Variants in CDK6 observed in about 807,000 individuals in gnomAD.
CDK6 encodes the protein cyclin-dependent kinase 6.
A neutral mutation model predicts 37.1 loss-of-function variants in CDK6; 6 were observed. That is an observed-to-expected ratio of 0.16 (90% CI 0.09 to 0.32). The LOEUF (loss-of-function observed/expected upper bound fraction) is 0.32, where lower values mean the gene tolerates loss of function less well. Among genes scored for constraint, CDK6 ranks in the 10% least tolerant of loss-of-function variants. The pLI, the probability that CDK6 is intolerant of heterozygous loss-of-function variation, is 1.00. For synonymous variants in CDK6, 160 were observed against 161.3 expected (o/e 0.99, Z 0.06); for missense variants, 224 against 418.9 (o/e 0.53, Z 4.06).
chr7:92,620,705 C>G (rs1455762294), intron 6 of CDK6, among the ~76,000 whole-genome samples: 9 of 152,014 alleles, frequency 5.9e-5, no homozygotes, highest in Non-Finnish European at 1.0e-4. Flanking sequence ...CCCAGGAGTT[C>G]AAGACCAGCC....
At chr7:92,744,832 G>C (rs1385680708) in intron 3 of CDK6, among the ~76,000 whole-genome samples, 2 of 152,062 alleles carry the variant, frequency 1.3e-5, no homozygotes, top group African/African-American at 4.8e-5. Flanking sequence ...TGGAAAGTTT[G>C]TAAGTAAGAC....
intron 4 of CDK6, among the ~76,000 whole-genome samples, chr7:92,704,961 C>G (rs553976339): frequency 3.3e-5 from 5 of 152,258 alleles, no homozygotes; most frequent in Non-Finnish European, 7.4e-5. Context: ...AACAGAGGAT[C>G]AGTTTTAGGT....
chr7:92,632,695 A>G (rs568046977), intron 5 of CDK6, among the ~76,000 whole-genome samples: 2 of 152,280 alleles, frequency 1.3e-5, no homozygotes, highest in South Asian at 4.1e-4. Context: ...TGTTAAAAAT[A>G]ACAAATTATT....
chr7:92,772,740 C>T (rs556048063), intron 3 of CDK6, among the ~76,000 whole-genome samples: 64 of 152,130 alleles, frequency 4.2e-4, no homozygotes, highest in Admixed American at 2.3e-3. Context: ...AGATTCCCCC[C>T]ATTCCAATTC....
intron 3 of CDK6, among the ~76,000 whole-genome samples, chr7:92,752,038 G>A (rs1214932450): frequency 1.3e-5 from 2 of 152,148 alleles, no homozygotes; most frequent in Non-Finnish European, 2.9e-5. Context: ...ACAGTCTAAT[G>A]GGTTGTGCAA....
chr7:92,778,924 C>CATATATATATATAT (rs145888983), intron 2 of CDK6, among the ~76,000 whole-genome samples: 1 of 109,022 alleles, frequency 9.2e-6, no homozygotes, highest in Non-Finnish European at 1.8e-5. Flanking sequence ...TATAGTTTAT[C>CATATATATATATAT]ATATATATAT....
chr7:92,672,127 A>C (rs1419158323), intron 4 of CDK6, among the ~76,000 whole-genome samples: 4 of 129,432 alleles, frequency 3.1e-5, no homozygotes, highest in Non-Finnish European at 6.4e-5. Context: ...GTACCCCAAA[A>C]GCTGTACATA....
chr7:92,711,671 G>A (rs1341193117), intron 4 of CDK6, among the ~76,000 whole-genome samples: 2 of 145,234 alleles, frequency 1.4e-5, no homozygotes, highest in African/African-American at 2.5e-5. Flanking sequence ...GGGCTCAAGC[G>A]ATCTTCCCAC....
intron 2 of CDK6, among the ~76,000 whole-genome samples, chr7:92,799,727 T>A (rs1342672164): frequency 6.6e-6 from 1 of 152,184 alleles, no homozygotes; most frequent in African/African-American, 2.4e-5. Context: ...TTTCTCCTTA[T>A]TGTGGGACAA....
chr7:92,685,370 G>C (rs1797426406), intron 4 of CDK6, among the ~76,000 whole-genome samples: 1 of 152,178 alleles, frequency 6.6e-6, no homozygotes, highest in Non-Finnish European at 1.5e-5. Flanking sequence ...CGTGTTGGGG[G>C]CAGTGTGGTT....
At chr7:92,720,627 T>C (rs1030848820) in intron 4 of CDK6, among the ~76,000 whole-genome samples, 2 of 152,206 alleles carry the variant, frequency 1.3e-5, no homozygotes, top group Non-Finnish European at 2.9e-5. Flanking sequence ...CAGTGCTTCA[T>C]GACTGTCAGA....
At chr7:92,694,468 G>C (rs1797664635) in intron 4 of CDK6, among the ~76,000 whole-genome samples, 1 of 152,148 alleles carries the variant, frequency 6.6e-6, no homozygotes, top group African/African-American at 2.4e-5. Flanking sequence ...CTTTAACCAA[G>C]AGGAAAACTG....
intron 7 of CDK6, among the ~76,000 whole-genome samples, chr7:92,615,562 T>C (rs1443970360): frequency 6.6e-6 from 1 of 152,196 alleles, no homozygotes; most frequent in Non-Finnish European, 1.5e-5. Flanking sequence ...TAACTTTATT[T>C]AGTAATTCTT....
intron 5 of CDK6, 182 bp downstream of exon 5, chr7:92,671,244 T>G: frequency 2.5e-6 from 1 of 400,234 alleles, no homozygotes; most frequent in Non-Finnish European, 4.4e-6. Context: ...TACAGTCATA[T>G]AAAACAACAC....
In CDK6 at chr7:92,777,605, A is replaced by T. The variant is rs113414033; in HGVS notation, c.234-2774T>A. Reference sequence around the variant, plus strand: ...CATTGGTCTATATATTTGTTTTGGTACCAGTACCATGCTGTTTTGGTTACT... The same window carrying T: ...CATTGGTCTATATATTTGTTTTGGTTCCAGTACCATGCTGTTTTGGTTACT... On this transcript the variant is annotated intron_variant, in intron 2 of 7. Transcript: ENST00000424848. 4.1e-3 allele frequency among the ~76,000 whole-genome samples: 625 copies of T among 152,260 alleles called. 3 individuals are homozygous for T. Among genetic ancestry groups the T allele is most frequent in the African/African-American group, 0.015 (603 of 41,554 alleles).
intron 3 of CDK6, among the ~76,000 whole-genome samples, chr7:92,751,185 C>G (rs1367572352): frequency 1.3e-5 from 2 of 152,114 alleles, no homozygotes; most frequent in Non-Finnish European, 2.9e-5. Flanking sequence ...CTAGTGGTCT[C>G]TCATAATCTT....
chr7:92,672,184 G>GACACACACACACACACACACAGACAC (rs1175195840), intron 4 of CDK6, among the ~76,000 whole-genome samples: 2 of 44,138 alleles, frequency 4.5e-5, no homozygotes, highest in Non-Finnish European at 7.3e-5. Flanking sequence ...CACACACACA[G>GACACACACACACACACACACAGACAC]ACACATACAC....
intron 3 of CDK6, among the ~76,000 whole-genome samples, chr7:92,742,862 G>A (rs1267564303): frequency 1.3e-5 from 2 of 152,072 alleles, no homozygotes; most frequent in Admixed American, 6.6e-5. Flanking sequence ...AACATATTTA[G>A]AGTTCGCAGT....
intron 3 of CDK6, among the ~76,000 whole-genome samples, chr7:92,744,983 A>G (rs978357643): frequency 1.3e-5 from 2 of 152,178 alleles, no homozygotes; most frequent in Non-Finnish European, 2.9e-5. Flanking sequence ...TTGACAAATA[A>G]TAACTATATA....
Sources: gnomAD v4.1 joint callset for allele counts (sites outside exome capture counted in the v4.1 genomes callset) on GRCh38, gnomAD v4.1.1 for gene constraint, MANE v1.5 for transcripts, NCBI Gene and HGNC (gene_info 2026-07-23, HGNC 2026-07-21) for gene names.